The following INSYN1 variants were observed in gnomAD, a reference collection of about 807,000 sequenced individuals.
INSYN1 encodes the protein inhibitory synaptic factor 1.
INSYN1 carries 7 observed loss-of-function variants against 17.1 expected under a neutral mutation model. That is an observed-to-expected ratio of 0.41 (90% CI 0.23 to 0.77). The LOEUF (loss-of-function observed/expected upper bound fraction) is 0.77. Ranked by LOEUF, INSYN1 falls within the 30% of genes least tolerant of loss-of-function variation. INSYN1 has a pLI of 0.32. For synonymous variants in INSYN1, 174 were observed against 166.3 expected (o/e 1.05, Z -0.36); for missense variants, 339 against 400.6 (o/e 0.85, Z 1.31).
chr15:73,750,890 C>G, intron 2 of INSYN1, 85 bp downstream of exon 2: 1 of 1,450,994 alleles, frequency 6.9e-7, no homozygotes, highest in East Asian at 2.3e-5. Flanking sequence ...TTTGCACACT[C>G]CAACGTATTT....
intron 2 of INSYN1, among the ~76,000 whole-genome samples, chr15:73,747,184 C>T (rs915568278): frequency 6.6e-6 from 1 of 152,208 alleles, no homozygotes; most frequent in African/African-American, 2.4e-5. Flanking sequence ...GAATGCTCTT[C>T]CCCTAGATAG....
Position 73,740,118 on chromosome 15 carries a change from A to G in INSYN1, c.681T>C (p.His227=), listed in dbSNP as rs767954182. Residue 227 remains histidine, a synonymous_variant, in exon 3 of 3, where the codon CAT becomes CAC. Transcript: ENST00000569673. The part of the protein sequence containing the change: ...LPPEPAHTEA[H]AGPHKPSPAP... ...CTGGGGAGGGCTTGTGGGGGCCTGC[A>G]TGGGCCTCTGTATGGGCAGGCTCAG... 3 of 1,613,704 alleles carry G rather than the reference A, an allele frequency of 1.9e-6. No homozygotes were observed. Among genetic ancestry groups the G allele is most frequent in the Admixed American group, 1.7e-5 (1 of 59,994 alleles).
chr15:73,745,069 A>AG (rs1901786841), intron 2 of INSYN1, among the ~76,000 whole-genome samples: 1 of 152,102 alleles, frequency 6.6e-6, no homozygotes, highest in South Asian at 2.1e-4. Flanking sequence ...TCACAGCCTT[A>AG]GCGCCCCTCG....
In INSYN1 at chr15:73,741,270, G is replaced by A. The variant is rs116379736; in HGVS notation, c.157-628C>T. On this transcript the variant is annotated intron_variant, in intron 2 of 2. Coordinates refer to ENST00000569673, the MANE Select transcript of INSYN1 (RefSeq NM_001039614.3). ...CACCCCACCCCCATCTCCATCTCCC[G>A]GAGCCTCCTCATTCCTTCCCCTTCC... 7.0e-3 allele frequency among the ~76,000 whole-genome samples: 1,063 copies of A among 152,290 alleles called. 17 individuals are homozygous for A. Among genetic ancestry groups the A allele is most frequent in the African/African-American group, 0.024 (997 of 41,558 alleles).
intron 2 of INSYN1, among the ~76,000 whole-genome samples, chr15:73,749,913 G>T (rs1253773311): frequency 6.6e-6 from 1 of 152,156 alleles, no homozygotes; most frequent in Non-Finnish European, 1.5e-5. Flanking sequence ...AGGCCAGGCT[G>T]CAATGCCACT....
rs1235972775 is a variant in INSYN1 at position 73,752,802 on chromosome 15, C to A, written c.-1260G>T. On this transcript the variant is annotated 5_prime_UTR_variant, in exon 1 of 3. Transcript: ENST00000569673. This position sits in a 1 kb window ranked among gnomAD's most constrained non-coding sequence, Gnocchi z 5.2. Reference sequence around the variant, plus strand: ...CCGGGTCCCCGAGGAGGGGCGATGTCAGCCGCGGGGACCCGGTCCCCGCCG... The same window carrying A: ...CCGGGTCCCCGAGGAGGGGCGATGTAAGCCGCGGGGACCCGGTCCCCGCCG... The A allele has an allele frequency of 2.0e-5, 3 of 151,590 alleles. No individual in the cohort carries two copies. The highest frequency in any genetic ancestry group is 6.6e-5 in the Admixed American group (1 of 15,242). The allele number at this position is 151,590 out of a possible 1,614,324, so 9.4% of individuals were successfully genotyped here. A position where few individuals can be genotyped will look rare whatever the true frequency, so the allele number is the denominator to read the frequency against.
rs1432347001 is a variant in INSYN1, at chr15:73,735,573, C to T, written c.*4344G>A. ...TTCTCCAAAGACTGAGGCATGTTCACATGTTTCCTCACCCCAACACTCCCC... is the reference window on the plus strand; with the variant it reads ...TTCTCCAAAGACTGAGGCATGTTCATATGTTTCCTCACCCCAACACTCCCC... On this transcript the variant is annotated 3_prime_UTR_variant, in exon 3 of 3. Transcript: ENST00000569673. 2 of 152,180 alleles carry T rather than the reference C, an allele frequency of 1.3e-5. No individual in the cohort carries two copies. Among genetic ancestry groups the T allele is most frequent in the Admixed American group, 1.3e-4 (2 of 15,282 alleles). 9.4% of individuals were successfully genotyped at this position (152,180 alleles called of 1,614,324 possible). A position where few individuals can be genotyped will look rare whatever the true frequency, so the allele number is the denominator to read the frequency against.
intron 2 of INSYN1, among the ~76,000 whole-genome samples, chr15:73,747,645 C>T (rs1035746396): frequency 1.6e-4 from 24 of 152,188 alleles, no homozygotes; most frequent in African/African-American, 5.3e-4. Context: ...AAGTAACTTT[C>T]GCAAGTTCAC....
At chr15:73,740,691 C>T (rs756415607) in intron 2 of INSYN1, 49 bp from the exon 3 acceptor site, 7 of 1,474,736 alleles carry the variant, frequency 4.7e-6, no homozygotes, top group South Asian at 2.5e-5. Flanking sequence ...TGGGTCCCTG[C>T]ATCAGCCAGG....
chr15:73,746,925 G>A (rs1901850658), intron 2 of INSYN1, among the ~76,000 whole-genome samples: 1 of 152,154 alleles, frequency 6.6e-6, no homozygotes, highest in Non-Finnish European at 1.5e-5. Flanking sequence ...TGGGGAGGCA[G>A]ATTCCCACCC....
intron 2 of INSYN1, among the ~76,000 whole-genome samples, chr15:73,747,532 C>T (rs1370245338): frequency 6.6e-6 from 1 of 152,208 alleles, no homozygotes; most frequent in Non-Finnish European, 1.5e-5. Context: ...TTATATATGT[C>T]TCATTTAATT....
At chr15:73,743,973 A>G (rs1206512983) in intron 2 of INSYN1, among the ~76,000 whole-genome samples, 1 of 151,938 alleles carries the variant, frequency 6.6e-6, no homozygotes, top group Non-Finnish European at 1.5e-5. Context: ...TTCACTGCTT[A>G]CCAGCTGTGT....
intron 2 of INSYN1, among the ~76,000 whole-genome samples, chr15:73,749,489 G>A (rs1901921392): frequency 6.6e-6 from 1 of 152,156 alleles, no homozygotes; most frequent in South Asian, 2.1e-4. Flanking sequence ...GTCAATCCTG[G>A]CTCTTTGTGG....
intron 2 of INSYN1, among the ~76,000 whole-genome samples, chr15:73,744,258 A>G (rs1445201805): frequency 2.0e-5 from 3 of 152,210 alleles, no homozygotes; most frequent in Non-Finnish European, 4.4e-5. Flanking sequence ...CAGAATTTCC[A>G]GTGCCTGTGG....
At chr15:73,741,210 C>A (rs182520659) in intron 2 of INSYN1, among the ~76,000 whole-genome samples, 1 of 152,226 alleles carries the variant, frequency 6.6e-6, no homozygotes. Flanking sequence ...CCATCCCTCA[C>A]GGCAAGAACA....
In INSYN1 at chr15:73,751,049, G is replaced by A. The variant is rs780879901; in HGVS notation, c.82C>T (p.Arg28Cys). ...SGGERERIRQ[R>C]MKMVIGQLEG... ...AGCTGCCCGATGACCATCTTCATGC[G>A]CTGTCGAATCCGCTCCCGCTCACCA... The change falls in exon 2 of 3, where the codon CGC becomes TGC. Residue 28 changes from arginine to cysteine, a missense_variant. Transcript: ENST00000569673. 26 of 1,613,900 alleles carry A rather than the reference G, an allele frequency of 1.6e-5. No homozygotes were observed. In the South Asian group the frequency reaches 2.2e-4, roughly 14 times the overall value.
rs534540529 is a variant in INSYN1, at chr15:73,740,319, G to T, written c.480C>A (p.Ser160=). ...NGPRVETPDS[S]SEEAFGAGPT... Reference sequence around the variant, plus strand: ...GGCCAGCACCAAAGGCCTCCTCACTGGAGGAGTCTGGGGTCTCCACTCGTG... The same window carrying T: ...GGCCAGCACCAAAGGCCTCCTCACTTGAGGAGTCTGGGGTCTCCACTCGTG... Residue 160 remains serine, a synonymous_variant, in exon 3 of 3, where the codon TCC becomes TCA. Transcript: ENST00000569673. 2.8e-5 allele frequency: 45 copies of T among 1,611,780 alleles called. No homozygotes were observed. The highest frequency in any genetic ancestry group is 3.6e-5 in the Non-Finnish European group (42 of 1,178,994).
In INSYN1 at chr15:73,740,252, G is replaced by A. The variant is rs1415834658; in HGVS notation, c.547C>T (p.Arg183Trp). 10 of 1,613,900 alleles carry A rather than the reference G, an allele frequency of 6.2e-6. No homozygotes were observed. The highest frequency in any genetic ancestry group is 1.7e-5 in the Admixed American group (1 of 60,014). The change falls in exon 3 of 3, where the codon CGG (arginine) becomes TGG (tryptophan). Residue 183 changes from arginine to tryptophan, a missense_variant. Transcript: ENST00000569673. Reference sequence around the variant, plus strand: ...TTGTCACTGAACCGCACCCTCTCCCGTGTCCCTGGGGTCCGCTGGGGCAGC... The same window carrying A: ...TTGTCACTGAACCGCACCCTCTCCCATGTCCCTGGGGTCCGCTGGGGCAGC... ...SQLPQRTPGT[R>W]ERVRFSDKVL...
intron 2 of INSYN1, among the ~76,000 whole-genome samples, chr15:73,741,711 C>T (rs1395375168): frequency 2.0e-5 from 3 of 152,214 alleles, no homozygotes; most frequent in African/African-American, 7.2e-5. Context: ...ACCAAGAGAT[C>T]CACAGTGAGT....
Sources: allele counts gnomAD v4.1 joint callset (sites outside exome capture counted in the v4.1 genomes callset), GRCh38; gene constraint gnomAD v4.1.1; non-coding constraint Gnocchi (gnomAD v3.1); transcripts MANE v1.5; gene names NCBI Gene and HGNC (gene_info 2026-07-23, HGNC 2026-07-21).